Variants in SYNE2 observed in about 807,000 individuals in gnomAD.
SYNE2 encodes the protein spectrin repeat containing nuclear envelope protein 2, also known as nesprin-2.
A neutral mutation model predicts 856.3 loss-of-function variants in SYNE2; 431 were observed. That is an observed-to-expected ratio of 0.50 (90% CI 0.47 to 0.55). The LOEUF is 0.55. Ranked by LOEUF, SYNE2 falls within the 20% of genes least tolerant of loss-of-function variation. SYNE2 has a pLI of 0.00. For synonymous variants in SYNE2, 2,923 were observed against 2,872.3 expected, an observed-to-expected ratio of 1.02 and a Z score of -0.56; for missense variants, 8,129 against 8,023.2, an observed-to-expected ratio of 1.01 and a Z score of -0.50.
Position 64,140,020 on chromosome 14 carries a change from C to A in SYNE2, c.14923C>A (p.Leu4975Ile). Residue 4975 changes from leucine to isoleucine, a missense_variant, in exon 80 of 116, where the codon CTC becomes ATC. Coordinates refer to ENST00000555002, the MANE Select transcript of SYNE2 (RefSeq NM_182914.3). ...TCTGAATTACTGGAAAGAACAGTCC[C>A]TCAATGTGTCTCAGGACTTGGATAC... ...HTLNYWKEQS[L>I]NVSQDLDTIR... 6.2e-7 allele frequency: 1 copy of A among 1,613,978 alleles called. No homozygotes were observed. The highest frequency in any genetic ancestry group is 8.5e-7 in the Non-Finnish European group (1 of 1,179,952).
At chr14:64,069,151 G>A (rs775069117) in intron 51 of SYNE2, among the ~76,000 whole-genome samples, 1 of 152,098 alleles carries the variant, frequency 6.6e-6, no homozygotes, top group Non-Finnish European at 1.5e-5. Context: ...GCACCAAGAG[G>A]TGCCCCATTA....
chr14:63,982,198 A>C (rs895908600), intron 16 of SYNE2, among the ~76,000 whole-genome samples: 5 of 152,100 alleles, frequency 3.3e-5, no homozygotes, highest in African/African-American at 1.2e-4. Flanking sequence ...TGGTCTAGGG[A>C]CTCTCCGAAA....
chr14:64,034,726 A>G lies in SYNE2; in HGVS notation c.7221+3369A>G, dbSNP rs1595015179. On this transcript the variant is annotated intron_variant, in intron 45 of 115. Coordinates refer to ENST00000555002, the MANE Select transcript of SYNE2 (RefSeq NM_182914.3). ...TGCTTATGATTCAATACCATACTGC[A>G]TATTTTTATAGATGCGTATTTCTGA... The G allele has an allele frequency of 7.6e-6, 3 of 397,262 alleles. No homozygotes were observed. The East Asian group carries it at 1.1e-4, about 14-fold the overall frequency. 24.6% of individuals were successfully genotyped at this position (397,262 alleles called of 1,614,324 possible).
intron 1 of SYNE2, among the ~76,000 whole-genome samples, chr14:63,828,156 C>G (rs954381704): frequency 6.6e-6 from 1 of 151,046 alleles, no homozygotes; most frequent in African/African-American, 2.4e-5. Flanking sequence ...ATGATCATGC[C>G]ACTGCACTTC....
intron 94 of SYNE2, among the ~76,000 whole-genome samples, chr14:64,172,688 T>C (rs1463330993): frequency 6.6e-6 from 1 of 152,020 alleles, no homozygotes; most frequent in Non-Finnish European, 1.5e-5. Context: ...TCCCAACACT[T>C]TGGGAGGCCG....
chr14:64,111,503 T>TA (rs1249083327), intron 65 of SYNE2, among the ~76,000 whole-genome samples: 17 of 150,508 alleles, frequency 1.1e-4, no homozygotes, highest in Admixed American at 5.3e-4. Flanking sequence ...TTGCTTTTTT[T>TA]AAAAAAAAAT....
In SYNE2 at chr14:63,976,415, C is replaced by T. The variant is rs972653214; in HGVS notation, c.1129-148C>T. On this transcript the variant is annotated intron_variant, in intron 11 of 115. Coordinates refer to ENST00000555002, the MANE Select transcript of SYNE2 (RefSeq NM_182914.3). ...GATATTTAAAACTAAGAAATTTACC[C>T]ATTGATGAAGATTTCCATGATAATT... The T allele has an allele frequency of 9.1e-6, 7 of 773,180 alleles. No homozygotes were observed. In the African/African-American group the frequency reaches 1.2e-4, roughly 14 times the overall value. 47.9% of individuals were successfully genotyped at this position (773,180 alleles called of 1,614,324 possible).
intron 1 of SYNE2, among the ~76,000 whole-genome samples, chr14:63,891,890 A>G (rs2140943840): frequency 6.6e-6 from 1 of 152,306 alleles, no homozygotes; most frequent in African/African-American, 2.4e-5. Flanking sequence ...AGGAAAAAGC[A>G]AATCACTCTG....
chr14:64,138,960 T>G (rs1373592472), intron 79 of SYNE2, among the ~76,000 whole-genome samples: 2 of 149,168 alleles, frequency 1.3e-5, no homozygotes, highest in African/African-American at 5.1e-5. Flanking sequence ...TGTGTGTGTG[T>G]GTGTGTGTGT....
chr14:63,940,780 CAG>C, intron 3 of SYNE2, 105 bp downstream of exon 3: 1 of 967,250 alleles, frequency 1.0e-6, no homozygotes, highest in Admixed American at 1.9e-5. Flanking sequence ...CTGGTGATGA[CAG>C]GGAAAAGGTT....
intron 58 of SYNE2, among the ~76,000 whole-genome samples, chr14:64,089,237 G>A (rs947646881): frequency 5.9e-5 from 9 of 151,664 alleles, no homozygotes; most frequent in Non-Finnish European, 1.2e-4. Flanking sequence ...ATGGTGGCAC[G>A]TGCCTGTAAT....
intron 113 of SYNE2, among the ~76,000 whole-genome samples, chr14:64,223,733 G>C (rs756494240): frequency 1.2e-4 from 18 of 152,186 alleles, no homozygotes; most frequent in Non-Finnish European, 2.5e-4. Context: ...ACAGGCATGA[G>C]CCACCATAGC....
Position 64,078,551 on chromosome 14 carries a change from A to G in SYNE2, c.11108A>G (p.Glu3703Gly), listed in dbSNP as rs763363520. Residue 3703 changes from glutamate (E) to glycine (G), a missense_variant, in exon 55 of 116, where the codon GAA becomes GGA. Glu to Gly is a moderately conservative substitution (Grantham distance 98, BLOSUM62 -2). Around this residue, in one of 3 missense-constraint regions of SYNE2, gnomAD observed 5,410 missense variants for 5,284.8 expected, o/e 1.02. Transcript: ENST00000555002. ...ATTAACAATGGGCTTCATAATGTTG[A>G]AAAGATGTTGCAGCAGAAAAGCAAA... is the stretch of plus-strand genomic sequence containing the variant. Reference protein sequence around the residue: ...EEINNGLHNVEKMLQQKSKNI... With the variant: ...EEINNGLHNVGKMLQQKSKNI... 8.1e-6 allele frequency: 13 copies of G among 1,614,022 alleles called. No homozygotes were observed. The highest frequency in any genetic ancestry group is 1.6e-4 in the Middle Eastern group (1 of 6,084).
In SYNE2 at chr14:64,003,203, G is replaced by T; in HGVS notation, c.4270G>T (p.Glu1424Ter). The T allele has an allele frequency of 6.2e-7, 1 of 1,613,998 alleles. No homozygotes were observed. ...CTATGGGGTACAGGAGGAATTCACT[G>T]AGGAAAACAAATTACTAGAGGCTTG... ...HGYGVQEEFTEENKLLEACIF... is the reference protein window; with the variant it reads ...HGYGVQEEFT Residue 1424 changes from glutamate (E) to a stop codon, truncating the protein, a stop_gained, in exon 30 of 116, where the codon GAG becomes TAG. Transcript: ENST00000555002. LOFTEE classifies it high-confidence loss of function.
intron 49 of SYNE2, among the ~76,000 whole-genome samples, chr14:64,058,820 G>A (rs570764572): frequency 6.6e-6 from 1 of 152,100 alleles, no homozygotes; most frequent in East Asian, 1.9e-4. Context: ...CTATTTTCTA[G>A]ATTTTGTAGG....
At chr14:63,801,834 T>C (rs1888142743) in intron 1 of SYNE2, among the ~76,000 whole-genome samples, 1 of 151,116 alleles carries the variant, frequency 6.6e-6, no homozygotes. Context: ...TTTTAATTCA[T>C]CTAAATATAA....
At chr14:63,984,566 C>A (rs2096610880) in intron 18 of SYNE2, among the ~76,000 whole-genome samples, 1 of 152,176 alleles carries the variant, frequency 6.6e-6, no homozygotes, top group Admixed American at 6.5e-5. Flanking sequence ...TCTATTTCTT[C>A]CTTGTTTTGT....
At chr14:64,216,969 A>G (rs1239881252) in intron 108 of SYNE2, among the ~76,000 whole-genome samples, 2 of 151,814 alleles carry the variant, frequency 1.3e-5, no homozygotes, top group African/African-American at 4.8e-5. Context: ...CAAGTGATCC[A>G]CCTGCCTCAG....
intron 99 of SYNE2, among the ~76,000 whole-genome samples, chr14:64,195,501 TCTCA>T (rs2098537071): frequency 2.6e-5 from 4 of 152,318 alleles, no homozygotes; most frequent in East Asian, 1.9e-4. Flanking sequence ...ACTGAATTGC[TCTCA>T]CTATCAGAAA....
Sources: gnomAD v4.1 joint callset for allele counts (sites outside exome capture counted in the v4.1 genomes callset) on GRCh38, gnomAD v4.1.1 for gene constraint, gnomAD v4.1.1 regional missense constraint, MANE v1.5 for transcripts, NCBI Gene and HGNC (gene_info 2026-07-23, HGNC 2026-07-21) for gene names.